The following SH3RF1 variants were observed in gnomAD, a reference collection of about 807,000 sequenced individuals.
The protein encoded by SH3RF1 is SH3 domain containing ring finger 1, also known as E3 ubiquitin-protein ligase SH3RF1.
Under a neutral mutation model 74.0 loss-of-function variants are expected in SH3RF1, and 32 were observed. The observed-to-expected ratio is 0.43, with a 90% CI of 0.33 to 0.58. The LOEUF (loss-of-function observed/expected upper bound fraction) is 0.58. SH3RF1 is among the 20% of genes least tolerant of loss of function. The pLI is 0.05. For missense variants in SH3RF1, 954 were observed against 1,130.9 expected, an observed-to-expected ratio of 0.84 and a Z score of 2.24; for synonymous variants, 396 against 439.6, an observed-to-expected ratio of 0.90 and a Z score of 1.24.
chr4:169,158,408 T>G (rs1032077621), intron 2 of SH3RF1, among the ~76,000 whole-genome samples: 17 of 152,290 alleles, frequency 1.1e-4, no homozygotes, highest in African/African-American at 4.1e-4. Flanking sequence ...GCATAAAGAA[T>G]GCAGTATTCC....
intron 2 of SH3RF1, among the ~76,000 whole-genome samples, chr4:169,194,914 T>C (rs1168287630): frequency 6.6e-6 from 1 of 152,232 alleles, no homozygotes; most frequent in Non-Finnish European, 1.5e-5. Flanking sequence ...CAAAAGACTA[T>C]TTATCATATG....
intron 2 of SH3RF1, among the ~76,000 whole-genome samples, chr4:169,203,510 C>G (rs1734944272): frequency 6.6e-6 from 1 of 150,448 alleles, no homozygotes. Flanking sequence ...GAGATGGCAC[C>G]ATTGCACTCC....
chr4:169,190,603 C>A (rs1041174534), intron 2 of SH3RF1, among the ~76,000 whole-genome samples: 1 of 151,510 alleles, frequency 6.6e-6, no homozygotes, highest in Admixed American at 6.6e-5. Context: ...AAAAAAAAGT[C>A]CAGTACCAGA....
chr4:169,212,065 T>TC (rs1342654725), intron 2 of SH3RF1, among the ~76,000 whole-genome samples: 9 of 133,096 alleles, frequency 6.8e-5, no homozygotes, highest in Non-Finnish European at 7.9e-5. Flanking sequence ...TTCTTTTTTT[T>TC]TTTTTTTTTT....
In SH3RF1 at chr4:169,122,154, A is replaced by G. The variant is rs1299583852; in HGVS notation, c.1292T>C (p.Met431Thr). The G allele has an allele frequency of 6.2e-7, 1 of 1,613,346 alleles. No homozygotes were observed. The highest frequency in any genetic ancestry group is 1.1e-5 in the South Asian group (1 of 91,038). The change falls in exon 7 of 12, where the codon ATG becomes ACG. Residue 431 changes from methionine to threonine, a missense_variant. Physicochemically the swap from Met to Thr is moderately conservative, Grantham distance 81 (BLOSUM62 -1). Transcript: ENST00000284637. ...TGCAATCTGGTCAGTGGATCCTGCC[A>G]TGGGCCTCGGTCCCATTCCAGCAGC... The part of the protein sequence containing the change: ...AAAAGMGPRP[M>T]AGSTDQIAHL...
chr4:169,211,451 C>T (rs1219225676), intron 2 of SH3RF1, among the ~76,000 whole-genome samples: 3 of 138,856 alleles, frequency 2.2e-5, no homozygotes, highest in Non-Finnish European at 4.5e-5. Context: ...CACTGTACTC[C>T]AGCCTGGGCA....
intron 2 of SH3RF1, among the ~76,000 whole-genome samples, chr4:169,237,366 C>A (rs1240267479): frequency 6.6e-6 from 1 of 152,170 alleles, no homozygotes; most frequent in African/African-American, 2.4e-5. Context: ...TCAGGCTGGA[C>A]ACGATGGCTC....
At chr4:169,263,460 A>G (rs1326280188) in intron 2 of SH3RF1, among the ~76,000 whole-genome samples, 3 of 152,172 alleles carry the variant, frequency 2.0e-5, no homozygotes, top group Non-Finnish European at 4.4e-5. Context: ...AAAGCTCTCT[A>G]CAGGTGCTTG....
Position 169,268,708 on chromosome 4 carries a change from T to C in SH3RF1, c.393+112A>G, listed in dbSNP as rs1484197056. 4.3e-6 allele frequency: 5 copies of C among 1,174,078 alleles called. No individual in the cohort carries two copies. The East Asian group carries it at 9.5e-5, about 22-fold the overall frequency. The allele number at this position is 1,174,078 out of a possible 1,614,324, so 72.7% of individuals were successfully genotyped here. ...GAGGTATAATCTATCTGTTCCAGTA[T>C]GTATGGTTTCCTAAGCAATGAGTTG... On this transcript the variant is annotated intron_variant, in intron 2 of 11. Coordinates refer to ENST00000284637, the MANE Select transcript of SH3RF1 (RefSeq NM_020870.4).
intron 9 of SH3RF1, 119 bp downstream of exon 9, chr4:169,117,404 G>A: frequency 6.9e-7 from 1 of 1,445,928 alleles, no homozygotes; most frequent in Non-Finnish European, 9.4e-7. Flanking sequence ...AGTAGACTTT[G>A]CCTAATGTTG....
At chr4:169,196,572 A>G (rs976436547) in intron 2 of SH3RF1, among the ~76,000 whole-genome samples, 5 of 152,218 alleles carry the variant, frequency 3.3e-5, no homozygotes, top group Admixed American at 6.5e-5. Context: ...TGGGACTAGT[A>G]CTGTAGAATC....
rs5863981 is a variant in SH3RF1, at chr4:169,110,026, C to CAA, written c.2140-2823_2140-2822dup. ...TACCCTGTAGCAAAACAAAACAATACAAAAAAAAAAAAAACCACCTGGGAG... is the reference window on the plus strand; with the variant it reads ...TACCCTGTAGCAAAACAAAACAATACAAAAAAAAAAAAAAAACCACCTGGGAG... On this transcript the variant is annotated intron_variant, in intron 10 of 11. Coordinates refer to ENST00000284637, the MANE Select transcript of SH3RF1 (RefSeq NM_020870.4). Among the ~76,000 whole-genome samples the CAA allele has an allele frequency of 3.6e-3, 381 of 107,304 alleles. 1 individual carries two copies. Among genetic ancestry groups the CAA allele is most frequent in the African/African-American group, 7.9e-3 (243 of 30,586 alleles). 70.4% of individuals were successfully genotyped at this position (107,304 alleles called of 152,430 possible). A position where few individuals can be genotyped will look rare whatever the true frequency, so the allele number is the denominator to read the frequency against.
chr4:169,250,752 C>T (rs1277317747), intron 2 of SH3RF1, among the ~76,000 whole-genome samples: 2 of 151,982 alleles, frequency 1.3e-5, no homozygotes, highest in Non-Finnish European at 2.9e-5. Context: ...GACATAAGTG[C>T]CATGAAGAAA....
At chr4:169,119,143 G>A (rs917821687) in intron 8 of SH3RF1, among the ~76,000 whole-genome samples, 3 of 151,598 alleles carry the variant, frequency 2.0e-5, no homozygotes, top group East Asian at 1.9e-4. Context: ...TTGCTCTGCC[G>A]CCCAGGCTGG....
At position 169,117,659 on chromosome 4, in the gene SH3RF1, G is replaced by A. The variant is rs759437496; in HGVS notation, c.1641C>T (p.Gly547=). 16 of 1,614,068 alleles carry A rather than the reference G, an allele frequency of 9.9e-6. No homozygotes were observed. Among genetic ancestry groups the A allele is most frequent in the African/African-American group, 1.3e-5 (1 of 74,924 alleles). ...GGACAACACTGGGACTCCCAGCCAC[G>A]CCATTTCCCTGGAGCTTCTGGGCAG... ...GGPAQKLQGN[G]VAGSPSVVPA... is the part of the protein sequence containing the mutation. The change falls in exon 9 of 12, where the codon GGC becomes GGT. Residue 547 remains glycine, a synonymous_variant. Transcript: ENST00000284637.
Position 169,154,123 on chromosome 4 carries a change from C to T in SH3RF1, c.765+1357G>A, listed in dbSNP as rs540356876. Among the ~76,000 whole-genome samples, 3 of 152,218 alleles carry T rather than the reference C, an allele frequency of 2.0e-5. No homozygotes were observed. In the East Asian group the frequency reaches 5.8e-4, roughly 29 times the overall value. ...AATGCTTGGAAGTGCTTGTAGTTTC[C>T]CATTACCCACAGTTAGAATATATAC... On this transcript the variant is annotated intron_variant, in intron 4 of 11. Transcript: ENST00000284637.
rs575603477 is a variant in SH3RF1, at chr4:169,239,239, ACT to A, written c.393+29579_393+29580del. ...GACAAGACTGGTTATAAATCTACCTACTTTGTAAAAGGGGAATATTTTTGTAA... is the reference window on the plus strand; with the variant it reads ...GACAAGACTGGTTATAAATCTACCTATTGTAAAAGGGGAATATTTTTGTAA... On this transcript the variant is annotated intron_variant, in intron 2 of 11. Coordinates refer to ENST00000284637, the MANE Select transcript of SH3RF1 (RefSeq NM_020870.4). Among the ~76,000 whole-genome samples the A allele has an allele frequency of 1.3e-4, 20 of 152,214 alleles. 1 individual carries two copies. Among genetic ancestry groups the A allele is most frequent in the Non-Finnish European group, 2.6e-4 (18 of 68,012 alleles).
intron 5 of SH3RF1, 51 bp from the exon 6 acceptor site, chr4:169,130,207 G>A (rs951008126): frequency 4.9e-6 from 6 of 1,229,128 alleles, no homozygotes; most frequent in Non-Finnish European, 6.6e-6. Context: ...TAATACAACA[G>A]AATATACTGG....
In SH3RF1 at chr4:169,244,870, T is replaced by C. The variant is rs191554240; in HGVS notation, c.393+23950A>G. Among the ~76,000 whole-genome samples the C allele has an allele frequency of 1.4e-4, 21 of 152,294 alleles. No individual in the cohort carries two copies. The East Asian group carries it at 2.7e-3, about 20-fold the overall frequency. ...TTAATTTAAAAGTGGTATATAAGAC[T>C]GTGTGAAAAAAGGTAAAAGTTAACA... is the stretch of plus-strand genomic sequence containing the variant. On this transcript the variant is annotated intron_variant, in intron 2 of 11. Coordinates refer to ENST00000284637, the MANE Select transcript of SH3RF1 (RefSeq NM_020870.4).
Sources: gnomAD v4.1 joint callset for allele counts (sites outside exome capture counted in the v4.1 genomes callset) on GRCh38, gnomAD v4.1.1 for gene constraint, MANE v1.5 for transcripts, NCBI Gene and HGNC (gene_info 2026-07-23, HGNC 2026-07-21) for gene names.